Variants in PDE8B observed in about 807,000 individuals in gnomAD.
The protein encoded by PDE8B is high affinity cAMP-specific and IBMX-insensitive 3',5'-cyclic phosphodiesterase 8B.
A neutral mutation model predicts 101.3 loss-of-function variants in PDE8B; 26 were observed. The ratio of observed to expected loss-of-function variants is 0.26; its 90% CI spans 0.19 to 0.36. The LOEUF is 0.36. PDE8B is among the 10% of genes least tolerant of loss of function. The probability of loss-of-function intolerance (pLI) is 1.00; values close to 1 mark genes in which losing one functional copy is unlikely to be tolerated. For missense variants in PDE8B, 810 were observed against 1,163.1 expected, an observed-to-expected ratio of 0.70 and a Z score of 4.42; for synonymous variants, 424 against 429.3, an observed-to-expected ratio of 0.99 and a Z score of 0.15.
At chr5:77,419,170 A>G (rs1796143911) in intron 18 of PDE8B, among the ~76,000 whole-genome samples, 1 of 152,298 alleles carries the variant, frequency 6.6e-6, no homozygotes, top group African/African-American at 2.4e-5. Context: ...TGCAGAAAAA[A>G]TTCTTTCCAG....
chr5:77,106,104 T>A, the PDE8B span: 1 of 152,234 alleles, frequency 6.6e-6, no homozygotes, highest in Non-Finnish European at 1.5e-5. Flanking sequence ...AATATTTTTT[T>A]CCCATTCTGT....
intron 1 of PDE8B, among the ~76,000 whole-genome samples, chr5:77,280,819 C>T (rs1764822562): frequency 6.6e-6 from 1 of 152,212 alleles, no homozygotes; most frequent in African/African-American, 2.4e-5. Context: ...ATCGCTTGAA[C>T]CGGGGAGGTG....
At chr5:77,158,081 TA>T in the PDE8B span, among the ~76,000 whole-genome samples, 1 of 152,224 alleles carries the variant, frequency 6.6e-6, no homozygotes, top group African/African-American at 2.4e-5. Flanking sequence ...TAGAGGCAGA[TA>T]ACTTGTCCTG....
intron 2 of PDE8B, among the ~76,000 whole-genome samples, chr5:77,324,966 T>C (rs1303566213): frequency 6.6e-6 from 1 of 152,202 alleles, no homozygotes; most frequent in Admixed American, 6.5e-5. Context: ...TCTGTTCTTA[T>C]TCAGTTCTCA....
intron 1 of PDE8B, among the ~76,000 whole-genome samples, chr5:77,297,822 C>T (rs1768937369): frequency 6.6e-6 from 1 of 152,300 alleles, no homozygotes; most frequent in Non-Finnish European, 1.5e-5. Flanking sequence ...AATGCTCCTT[C>T]CATCGGTCTT....
chr5:77,313,514 C>G (rs927392588), intron 2 of PDE8B, among the ~76,000 whole-genome samples: 25 of 152,290 alleles, frequency 1.6e-4, no homozygotes, highest in African/African-American at 6.0e-4. Context: ...ATTCCCAAAG[C>G]AATTTCCAGA....
intron 1 of PDE8B, among the ~76,000 whole-genome samples, chr5:77,215,308 G>A (rs536050740): frequency 6.6e-6 from 1 of 152,238 alleles, no homozygotes; most frequent in Admixed American, 6.5e-5. Context: ...TTCTTGCTAG[G>A]CCTTTCACCA....
chr5:77,245,204 C>T (rs1756608391), intron 1 of PDE8B, among the ~76,000 whole-genome samples: 2 of 152,160 alleles, frequency 1.3e-5, no homozygotes, highest in African/African-American at 2.4e-5. Context: ...TTTAGCTACT[C>T]TCCATTGGTT....
chr5:77,239,329 C>A (rs1324739939), intron 1 of PDE8B, among the ~76,000 whole-genome samples: 1 of 152,210 alleles, frequency 6.6e-6, no homozygotes, highest in Non-Finnish European at 1.5e-5. Context: ...GTGTATGCCA[C>A]CCAGTGGCCA....
chr5:77,349,662 C>A, intron 8 of PDE8B, 103 bp downstream of exon 8: 2 of 1,284,260 alleles, frequency 1.6e-6, no homozygotes, highest in South Asian at 1.2e-5. Context: ...TTAATAATGT[C>A]ATAATTAAGT....
At chr5:77,278,626 C>T (rs965739839) in intron 1 of PDE8B, among the ~76,000 whole-genome samples, 37 of 152,132 alleles carry the variant, frequency 2.4e-4, no homozygotes, top group Non-Finnish European at 4.7e-4. Flanking sequence ...CCTGCCACCA[C>T]GCCCGGCTAA....
chr5:77,252,408 T>C (rs1380458544), intron 1 of PDE8B, among the ~76,000 whole-genome samples: 1 of 152,238 alleles, frequency 6.6e-6, no homozygotes, highest in East Asian at 1.9e-4. Flanking sequence ...TCTCAGTTTC[T>C]AGAATTTGGT....
chr5:77,210,145 A>G (rs1747930481), upstream of PDE8B, among the ~76,000 whole-genome samples: 1 of 152,124 alleles, frequency 6.6e-6, no homozygotes, highest in South Asian at 2.1e-4. This position sits in a 1 kb window ranked among gnomAD's most constrained non-coding sequence, Gnocchi z 4.9. Context: ...GGGATGTGTG[A>G]AAATGTGTTG....
At chr5:77,227,585 T>C (rs902578672) in intron 1 of PDE8B, among the ~76,000 whole-genome samples, 1 of 151,696 alleles carries the variant, frequency 6.6e-6, no homozygotes, top group Non-Finnish European at 1.5e-5. Flanking sequence ...ATGGAGAAAA[T>C]GATATAAAGA....
At chr5:77,196,347 A>G in the PDE8B span, among the ~76,000 whole-genome samples, 1 of 152,278 alleles carries the variant, frequency 6.6e-6, no homozygotes, top group Non-Finnish European at 1.5e-5. Context: ...AACTATTGTC[A>G]AATCCAAGGT....
At chr5:77,348,729 C>A (rs1780573305) in intron 7 of PDE8B, among the ~76,000 whole-genome samples, 1 of 152,140 alleles carries the variant, frequency 6.6e-6, no homozygotes. Flanking sequence ...GTTGCCTGGG[C>A]TGGAGTGCAA....
chr5:77,130,868 A>G, the PDE8B span, among the ~76,000 whole-genome samples: 25 of 152,320 alleles, frequency 1.6e-4, no homozygotes, highest in African/African-American at 5.8e-4. Context: ...ACATATTGCT[A>G]TTCCCAGTTT....
At chr5:77,372,171 G>T (rs1785176758) in intron 10 of PDE8B, among the ~76,000 whole-genome samples, 1 of 152,134 alleles carries the variant, frequency 6.6e-6, no homozygotes, top group African/African-American at 2.4e-5. Context: ...CTGCACTCCA[G>T]CCTGGGTGAT....
chr5:77,375,889 CTT>C (rs70988668), intron 10 of PDE8B, among the ~76,000 whole-genome samples: 8 of 108,312 alleles, frequency 7.4e-5, no homozygotes, highest in Non-Finnish European at 1.1e-4. Context: ...GCCTTGATTT[CTT>C]TTTTTTTTTT....
Sources: gnomAD v4.1 joint callset for allele counts (sites outside exome capture counted in the v4.1 genomes callset) on GRCh38, gnomAD v4.1.1 for gene constraint, Gnocchi (gnomAD v3.1) non-coding constraint, MANE v1.5 for transcripts, NCBI Gene and HGNC (gene_info 2026-07-23, HGNC 2026-07-21) for gene names.